The following JPH4 variants were observed in gnomAD, a reference collection of about 807,000 sequenced individuals.
JPH4 encodes junctophilin 4.
A neutral mutation model predicts 57.6 loss-of-function variants in JPH4; 18 were observed. The observed-to-expected ratio is 0.31, with a 90% CI of 0.22 to 0.46. The LOEUF is 0.46. JPH4 is among the 20% of genes least tolerant of loss of function. The pLI is 1.00. For synonymous variants in JPH4, 425 were observed against 406.6 expected (o/e 1.05, Z -0.54); for missense variants, 727 against 911.1 (o/e 0.80, Z 2.60).
chr14:23,576,022 C>A lies in JPH4; in HGVS notation c.814G>T (p.Ala272Ser). 5 of 1,353,764 alleles carry A rather than the reference C, an allele frequency of 3.7e-6. No homozygotes were observed. The highest frequency in any genetic ancestry group is 3.8e-6 in the Non-Finnish European group (4 of 1,059,278). 83.9% of individuals were successfully genotyped at this position (1,353,764 alleles called of 1,614,324 possible). Residue 272 changes from alanine to serine, a missense_variant, in exon 3 of 6, where the codon GCC becomes TCC. By Grantham distance (99) the Ala-to-Ser change is moderately conservative. This residue lies in a region of JPH4 where 112 missense variants were observed against 199.4 expected (regional missense o/e 0.56). Transcript: ENST00000356300. This position sits in a 1 kb window ranked among gnomAD's most constrained non-coding sequence, Gnocchi z 8.0. ...ASGPPAAAPP[A>S]LIEGSATEVY... is the part of the protein sequence containing the mutation. ...TCTGTGGCCGAGCCCTCGATGAGGGCGGGCGGCGCTGCGGCCGGGGGCCCG... is the reference window on the plus strand; with the variant it reads ...TCTGTGGCCGAGCCCTCGATGAGGGAGGGCGGCGCTGCGGCCGGGGGCCCG...
chr14:23,572,771 C>G (rs748729711), intron 3 of JPH4: 28 of 663,986 alleles, frequency 4.2e-5, no homozygotes, highest in Non-Finnish European at 6.6e-5. Context: ...AATATGCTTT[C>G]TCACCATTGC....
At chr14:23,574,810 C>T (rs1339603741) in intron 3 of JPH4, 4 of 257,944 alleles carry the variant, frequency 1.6e-5, no homozygotes, top group South Asian at 3.5e-4. Flanking sequence ...TTTTCTATTC[C>T]GTTGTTTGTT....
In JPH4 at chr14:23,576,410, C is replaced by A. The variant is rs1889274080; in HGVS notation, c.426G>T (p.Gly142=). ...QWQAGKRHGY[G]VRQSVPYHQA... ...GATGGTAGGGCACACTCTGGCGTAC[C>A]CCGTAGCCGTGGCGCTTCCCGGCCT... The change falls in exon 3 of 6, where the codon GGG becomes GGT. Residue 142 remains glycine (G), a synonymous_variant. Transcript: ENST00000356300. This position sits in a 1 kb window ranked among gnomAD's most constrained non-coding sequence, Gnocchi z 8.0. 1 of 1,432,514 alleles carries A rather than the reference C, an allele frequency of 7.0e-7. No individual in the cohort carries two copies. Among genetic ancestry groups the A allele is most frequent in the Non-Finnish European group, 9.1e-7 (1 of 1,100,314 alleles). 88.7% of individuals were successfully genotyped at this position (1,432,514 alleles called of 1,614,324 possible). A position where few individuals can be genotyped will look rare whatever the true frequency, so the allele number is the denominator to read the frequency against.
At position 23,571,151 on chromosome 14, in the gene JPH4, T is replaced by C; in HGVS notation, c.1580A>G (p.Asp527Gly). Residue 527 changes from aspartate to glycine, a missense_variant, in exon 5 of 6, where the codon GAC becomes GGC. Physicochemically the swap from Asp to Gly is moderately conservative, Grantham distance 94 (BLOSUM62 -1). Around this residue, in one of 7 missense-constraint regions of JPH4, gnomAD observed 293 missense variants for 279.8 expected, o/e 1.05. Transcript: ENST00000356300. The surrounding 1 kb of genome is among the most constrained non-coding windows in gnomAD (Gnocchi z 4.6). Reference sequence around the variant, plus strand: ...GCAGCCTCCGAGGAGTGGGGAACCGTCTCTGGGCCCTGGCCCTTGCATCCC... The same window carrying C: ...GCAGCCTCCGAGGAGTGGGGAACCGCCTCTGGGCCCTGGCCCTTGCATCCC... The part of the protein sequence containing the change: ...EAGMQGPGPR[D>G]GSPLLGGCSD... The C allele has an allele frequency of 1.2e-6, 2 of 1,614,018 alleles. No homozygotes were observed. Among genetic ancestry groups the C allele is most frequent in the Non-Finnish European group, 1.7e-6 (2 of 1,179,988 alleles).
chr14:23,571,926 G>A lies in JPH4; in HGVS notation c.1152-6C>T, dbSNP rs778725044. 8.1e-6 allele frequency: 13 copies of A among 1,609,464 alleles called. No homozygotes were observed. The highest frequency in any genetic ancestry group is 6.7e-5 in the African/African-American group (5 of 74,866). On this transcript the variant is annotated splice_region_variant and splice_polypyrimidine_tract_variant and intron_variant, in intron 3 of 5. Coordinates refer to ENST00000356300, the MANE Select transcript of JPH4 (RefSeq NM_001146028.2). This position sits in a 1 kb window ranked among gnomAD's most constrained non-coding sequence, Gnocchi z 4.6. ...TTAGGAGGGCGTCTGCTGCCCTGTC[G>A]GGTCCAGAGACAGGGATTTAGCAGA...
At position 23,576,938 on chromosome 14, in the gene JPH4, C is replaced by T; in HGVS notation, c.379+137G>A. The T allele has an allele frequency of 9.6e-7, 1 of 1,042,060 alleles. No homozygotes were observed. The highest frequency in any genetic ancestry group is 1.3e-6 in the Non-Finnish European group (1 of 763,242). 64.6% of individuals were successfully genotyped at this position (1,042,060 alleles called of 1,614,324 possible). ...GGTGGGAGAGAGCAGAAATTGGGGG[C>T]TGGGGGTCACATCGATGGGGAATGG... On this transcript the variant is annotated intron_variant, in intron 2 of 5. Transcript: ENST00000356300. The surrounding 1 kb of genome is among the most constrained non-coding windows in gnomAD (Gnocchi z 8.0).
chr14:23,573,128 T>C (rs1889193917), intron 3 of JPH4: 1 of 605,670 alleles, frequency 1.7e-6, no homozygotes, highest in African/African-American at 1.9e-5. Context: ...GGCAGTCTGG[T>C]ATGGGGGTGG....
Position 23,577,199 on chromosome 14 carries a change from G to A in JPH4, c.255C>T (p.Gly85=). ...GCCCCTTCAGCCCGCCCAGCCACTC[G>A]CCGCGGTACGTCCAGCGGCTCTTGC... ...VERKSRWTYR[G]EWLGGLKGRS... Residue 85 remains glycine (G), a synonymous_variant, in exon 2 of 6, where the codon GGC becomes GGT. Transcript: ENST00000356300. This position sits in a 1 kb window ranked among gnomAD's most constrained non-coding sequence, Gnocchi z 8.4. 2 of 1,536,964 alleles carry A rather than the reference G, an allele frequency of 1.3e-6. No individual in the cohort carries two copies. Among genetic ancestry groups the A allele is most frequent in the Non-Finnish European group, 1.7e-6 (2 of 1,146,358 alleles).
chr14:23,578,639 A>G lies in JPH4; in HGVS notation c.-631T>C, dbSNP rs1030445587. On this transcript the variant is annotated 5_prime_UTR_variant, in exon 1 of 6. Coordinates refer to ENST00000356300, the MANE Select transcript of JPH4 (RefSeq NM_001146028.2). ...AGATTTAAAGGGGCAGGGAGAAGAG[A>G]AGAGAGAAGAGGGTGGGTAGAGAAG... is the stretch of plus-strand genomic sequence containing the variant. 1.3e-5 allele frequency: 2 copies of G among 151,046 alleles called. No homozygotes were observed. The highest frequency in any genetic ancestry group is 2.9e-5 in the Non-Finnish European group (2 of 67,924). 9.4% of individuals were successfully genotyped at this position (151,046 alleles called of 1,614,324 possible).
At position 23,576,079 on chromosome 14, in the gene JPH4, CCACCTCGCTGCT is replaced by C. The variant is rs923111223; in HGVS notation, c.745_756del (p.Ser249_Val252del). The C allele has an allele frequency of 2.3e-6, 3 of 1,306,624 alleles. No homozygotes were observed. Among genetic ancestry groups the C allele is most frequent in the African/African-American group, 1.5e-5 (1 of 64,640 alleles). The allele number at this position is 1,306,624 out of a possible 1,614,324, so 80.9% of individuals were successfully genotyped here. On this transcript the variant is annotated inframe_deletion, in exon 3 of 6. Coordinates refer to ENST00000356300, the MANE Select transcript of JPH4 (RefSeq NM_001146028.2). The surrounding 1 kb of genome is among the most constrained non-coding windows in gnomAD (Gnocchi z 8.0). ...TCCGAGCCGGGCGGTCCGGTGCTGCCCACCTCGCTGCTCACCTCGCTGCGCAGGGAGCCTCGC... is the reference window on the plus strand; with the variant it reads ...TCCGAGCCGGGCGGTCCGGTGCTGCCCACCTCGCTGCGCAGGGAGCCTCGC...
Position 23,575,205 on chromosome 14 carries a change from C to G in JPH4, c.1151+480G>C, listed in dbSNP as rs1400025678. 1.8e-5 allele frequency: 3 copies of G among 162,432 alleles called. No individual in the cohort carries two copies. Among genetic ancestry groups the G allele is most frequent in the African/African-American group, 7.2e-5 (3 of 41,744 alleles). 10.1% of individuals were successfully genotyped at this position (162,432 alleles called of 1,614,324 possible). ...TGTATAAATTAGACTTCCCAAAGGC[C>G]CAAGGCTGAAATGGTGTCAGGCTGG... On this transcript the variant is annotated intron_variant, in intron 3 of 5. Transcript: ENST00000356300. The surrounding 1 kb of genome is among the most constrained non-coding windows in gnomAD (Gnocchi z 6.9).
chr14:23,576,923 A>G lies in JPH4; in HGVS notation c.379+152T>C. 1 of 882,798 alleles carries G rather than the reference A, an allele frequency of 1.1e-6. No individual in the cohort carries two copies. The highest frequency in any genetic ancestry group is 1.6e-6 in the Non-Finnish European group (1 of 618,050). The allele number at this position is 882,798 out of a possible 1,614,324, so 54.7% of individuals were successfully genotyped here. ...GGAAAGCATAATCATGGTGGGAGAG[A>G]GCAGAAATTGGGGGCTGGGGGTCAC... On this transcript the variant is annotated intron_variant, in intron 2 of 5. Transcript: ENST00000356300. The surrounding 1 kb of genome is among the most constrained non-coding windows in gnomAD (Gnocchi z 8.0).
chr14:23,576,221 G>A lies in JPH4; in HGVS notation c.615C>T (p.Gly205=), dbSNP rs1566680290. ...FVLAGPGDAD[G]ASSRKRTPAA... ...CCGGAGTGCGCTTTCGGGACGACGCGCCGTCGGCGTCCCCGGGCCCGGCCA... is the reference window on the plus strand; with the variant it reads ...CCGGAGTGCGCTTTCGGGACGACGCACCGTCGGCGTCCCCGGGCCCGGCCA... Residue 205 remains glycine, a synonymous_variant, in exon 3 of 6, where the codon GGC becomes GGT. Coordinates refer to ENST00000356300, the MANE Select transcript of JPH4 (RefSeq NM_001146028.2). This position sits in a 1 kb window ranked among gnomAD's most constrained non-coding sequence, Gnocchi z 8.0. The A allele has an allele frequency of 7.9e-7, 1 of 1,273,736 alleles. No individual in the cohort carries two copies. The highest frequency in any genetic ancestry group is 3.2e-5 in the East Asian group (1 of 31,396). 78.9% of individuals were successfully genotyped at this position (1,273,736 alleles called of 1,614,324 possible).
chr14:23,577,209 G>C lies in JPH4; in HGVS notation c.245C>G (p.Thr82Arg), dbSNP rs1296511660. 2 of 1,537,038 alleles carry C rather than the reference G, an allele frequency of 1.3e-6. No individual in the cohort carries two copies. The highest frequency in any genetic ancestry group is 1.7e-6 in the Non-Finnish European group (2 of 1,146,168). Residue 82 changes from threonine to arginine, a missense_variant, in exon 2 of 6, where the codon ACG becomes AGG. This residue lies in a region of JPH4 where 83 missense variants were observed against 135.4 expected (regional missense o/e 0.61). Coordinates refer to ENST00000356300, the MANE Select transcript of JPH4 (RefSeq NM_001146028.2). This position sits in a 1 kb window ranked among gnomAD's most constrained non-coding sequence, Gnocchi z 8.4. ...CCCGCCCAGCCACTCGCCGCGGTAC[G>C]TCCAGCGGCTCTTGCGCTCCACGCC... ...GLGVERKSRW[T>R]YRGEWLGGLK...
In JPH4 at chr14:23,575,766, T is replaced by C; in HGVS notation, c.1070A>G (p.Lys357Arg). The C allele has an allele frequency of 1.3e-6, 2 of 1,591,574 alleles. No individual in the cohort carries two copies. The highest frequency in any genetic ancestry group is 1.7e-6 in the Non-Finnish European group (2 of 1,171,064). Residue 357 changes from lysine to arginine, a missense_variant, in exon 3 of 6, where the codon AAG becomes AGG. By Grantham distance (26) the Lys-to-Arg change is conservative. Transcript: ENST00000356300. The surrounding 1 kb of genome is among the most constrained non-coding windows in gnomAD (Gnocchi z 6.9). ...CTCGACAGCCCTGTCCACCTTCTCC[T>C]TAACCTTGCCCCGCCGAAGGGCCAG... The part of the protein sequence containing the change: ...LPLALRRGKV[K>R]EKVDRAVEGA...
chr14:23,574,074 C>A (rs1324884435), intron 3 of JPH4, among the ~76,000 whole-genome samples: 1 of 152,028 alleles, frequency 6.6e-6, no homozygotes, highest in Admixed American at 6.6e-5. Context: ...AAATCCTCCA[C>A]CCCTTTAAAA....
intron 3 of JPH4, among the ~76,000 whole-genome samples, chr14:23,573,386 C>T (rs1889199008): frequency 1.3e-5 from 2 of 152,218 alleles, no homozygotes; most frequent in African/African-American, 4.8e-5. Flanking sequence ...TCTCCTGCCT[C>T]TGGCCCTTCA....
In JPH4 at chr14:23,576,745, G is replaced by C. The variant is rs1397247062; in HGVS notation, c.380-289C>G. ...CGGCAGGCATGCGAAGGACAGGCTG[G>C]TCAGGGCGTTTAGATAGGCAAACAG... is the stretch of plus-strand genomic sequence containing the variant. On this transcript the variant is annotated intron_variant, in intron 2 of 5. Coordinates refer to ENST00000356300, the MANE Select transcript of JPH4 (RefSeq NM_001146028.2). This position sits in a 1 kb window ranked among gnomAD's most constrained non-coding sequence, Gnocchi z 8.0. 6.6e-6 allele frequency among the ~76,000 whole-genome samples: 1 copy of C among 152,172 alleles called. No homozygotes were observed. The highest frequency in any genetic ancestry group is 1.5e-5 in the Non-Finnish European group (1 of 68,032).
rs1274927366 is a variant in JPH4 at position 23,576,786 on chromosome 14, G to A, written c.379+289C>T. Among the ~76,000 whole-genome samples the A allele has an allele frequency of 6.6e-6, 1 of 152,156 alleles. No individual in the cohort carries two copies. Among genetic ancestry groups the A allele is most frequent in the Non-Finnish European group, 1.5e-5 (1 of 68,014 alleles). On this transcript the variant is annotated intron_variant, in intron 2 of 5. Transcript: ENST00000356300. The surrounding 1 kb of genome is among the most constrained non-coding windows in gnomAD (Gnocchi z 8.0). ...AGGCAAACAGTACTCTGAGGGGCAC[G>A]CCGACCCGACGGAGAGCAGAGGTGT...
Sources: allele counts gnomAD v4.1 joint callset (sites outside exome capture counted in the v4.1 genomes callset), GRCh38; gene constraint gnomAD v4.1.1; regional missense constraint gnomAD v4.1.1; non-coding constraint Gnocchi (gnomAD v3.1); transcripts MANE v1.5; gene names NCBI Gene and HGNC (gene_info 2026-07-23, HGNC 2026-07-21).